KAZN: variants seen among roughly 807,000 people sequenced by gnomAD.
KAZN encodes the protein kazrin.
A neutral mutation model predicts 87.4 loss-of-function variants in KAZN; 40 were observed. The observed-to-expected ratio is 0.46, with a 90% CI of 0.36 to 0.60. The LOEUF is 0.60. Ranked by LOEUF, KAZN falls within the 20% of genes least tolerant of loss-of-function variation. The probability of loss-of-function intolerance (pLI) is 0.00; values close to 1 mark genes in which losing one functional copy is unlikely to be tolerated. For missense variants in KAZN, 898 were observed against 1,073.9 expected (o/e 0.84, Z 2.29); for synonymous variants, 466 against 458.3 (o/e 1.02, Z -0.22).
intron 1 of KAZN, among the ~76,000 whole-genome samples, chr1:14,170,753 A>G (rs1645938190): frequency 6.6e-6 from 1 of 151,492 alleles, no homozygotes; most frequent in Admixed American, 6.6e-5. Context: ...ACAGAGTCTC[A>G]CTCTGTCACC....
rs1645097474 is a variant in KAZN at position 14,773,963 on chromosome 1, C to T, written c.226+174740C>T. Among the ~76,000 whole-genome samples the T allele has an allele frequency of 6.6e-6, 1 of 152,248 alleles. No individual in the cohort carries two copies. On this transcript the variant is annotated intron_variant, in intron 1 of 14. Coordinates refer to ENST00000376030, the MANE Select transcript of KAZN (RefSeq NM_201628.3). This position sits in a 1 kb window ranked among gnomAD's most constrained non-coding sequence, Gnocchi z 5.9. ...TTCTCACCGCCAAAGCCCTCCAGCC[C>T]ATGGCTGCTGCCAACCAAGGCGCCC...
chr1:13,969,318 A>G (rs2092433), intron 1 of KAZN, among the ~76,000 whole-genome samples: 63,793 of 152,058 alleles, frequency 0.42, 13,696 homozygotes, highest in East Asian at 0.64. Flanking sequence ...AGATCATACT[A>G]GAATAGTGTG....
At chr1:14,676,710 ATT>A (rs1640241530) in intron 1 of KAZN, among the ~76,000 whole-genome samples, 1 of 152,190 alleles carries the variant, frequency 6.6e-6, no homozygotes. Flanking sequence ...AAGGCCATAT[ATT>A]GTATGATCCC....
chr1:14,540,027 T>C lies in KAZN; in HGVS notation c.250-58956T>C, dbSNP rs144210479. ...GCTTTCTAAGTAGAATTCTCTGTAT[T>C]ACTAGGGGAGAGAGGGATGTGAAAA... is the stretch of plus-strand genomic sequence containing the variant. On this transcript the variant is annotated intron_variant, in intron 2 of 16. Transcript: ENST00000636203. 7.2e-5 allele frequency among the ~76,000 whole-genome samples: 11 copies of C among 152,256 alleles called. No individual in the cohort carries two copies. In the East Asian group the frequency reaches 2.1e-3, roughly 29 times the overall value.
chr1:14,808,682 T>G (rs115160605), intron 1 of KAZN, among the ~76,000 whole-genome samples: 1 of 152,166 alleles, frequency 6.6e-6, no homozygotes, highest in Admixed American at 6.5e-5. Context: ...CCATCTGAGA[T>G]GTATTATTAC....
At chr1:13,994,930 A>G (rs1639440488) in intron 1 of KAZN, among the ~76,000 whole-genome samples, 1 of 152,190 alleles carries the variant, frequency 6.6e-6, no homozygotes, top group African/African-American at 2.4e-5. Context: ...GAGAGTAGAA[A>G]GCAAGGAGCA....
chr1:14,142,309 T>C (rs1279637257), intron 1 of KAZN, among the ~76,000 whole-genome samples: 6 of 152,150 alleles, frequency 3.9e-5, no homozygotes, highest in African/African-American at 1.4e-4. Flanking sequence ...TAGAAGCGTT[T>C]AAAATTCCAA....
upstream of KAZN, among the ~76,000 whole-genome samples, chr1:14,596,730 A>G (rs1676534001): frequency 6.6e-6 from 1 of 152,210 alleles, no homozygotes; most frequent in South Asian, 2.1e-4. Flanking sequence ...GGCTTCTTTC[A>G]ACTAACATAA....
intron 4 of KAZN, among the ~76,000 whole-genome samples, 180 bp from the exon 5 acceptor site, chr1:15,055,911 C>T (rs533299239): frequency 1.1e-4 from 17 of 152,340 alleles, no homozygotes; most frequent in Non-Finnish European, 1.8e-4. Context: ...AACAACAGTT[C>T]CTCCCTCACA....
At chr1:14,674,208 C>CT (rs888246340) in intron 1 of KAZN, among the ~76,000 whole-genome samples, 2 of 152,142 alleles carry the variant, frequency 1.3e-5, no homozygotes, top group Non-Finnish European at 2.9e-5. Flanking sequence ...CAGCAGATCT[C>CT]TTTTTTTGTA....
chr1:14,107,144 C>T (rs1271656122), intron 1 of KAZN, among the ~76,000 whole-genome samples: 1 of 147,702 alleles, frequency 6.8e-6, no homozygotes, highest in East Asian at 2.0e-4. Flanking sequence ...GCTGTGTTGT[C>T]TTGTCATCAT....
At chr1:14,366,662 A>G (rs1010804956) in intron 2 of KAZN, among the ~76,000 whole-genome samples, 1 of 152,242 alleles carries the variant, frequency 6.6e-6, no homozygotes, top group African/African-American at 2.4e-5. Flanking sequence ...CCGCACCAGC[A>G]TTTAGAGGGG....
chr1:14,202,028 C>T lies in KAZN; in HGVS notation c.249+21436C>T, dbSNP rs899226575. On this transcript the variant is annotated intron_variant, in intron 2 of 16. Coordinates refer to the KAZN transcript ENST00000636203. The stretch of plus-strand genomic sequence containing the variant: ...ACAAACATGGAGTGCTTCTTAAATG[C>T]CAGATTCTGTGTAATCACTTTAATT... 4.6e-5 allele frequency among the ~76,000 whole-genome samples: 7 copies of T among 152,142 alleles called. No homozygotes were observed. The South Asian group carries it at 6.2e-4, about 14-fold the overall frequency.
chr1:14,307,968 T>A (rs1481184176), intron 2 of KAZN, among the ~76,000 whole-genome samples: 1 of 152,224 alleles, frequency 6.6e-6, no homozygotes, highest in Non-Finnish European at 1.5e-5. Flanking sequence ...GCGCTGAGGA[T>A]ACAACATCAT....
chr1:13,910,924 G>A (rs114783532), intron 1 of KAZN, among the ~76,000 whole-genome samples: 8 of 151,950 alleles, frequency 5.3e-5, no homozygotes, highest in African/African-American at 1.4e-4. Context: ...GAAGCATGGC[G>A]TCTTCTGTTT....
intron 1 of KAZN, among the ~76,000 whole-genome samples, chr1:14,843,929 C>T (rs772000634): frequency 1.2e-4 from 18 of 152,208 alleles, no homozygotes; most frequent in Admixed American, 9.2e-4. Context: ...CTGAATCTTG[C>T]AACATTGCCA....
intron 2 of KAZN, among the ~76,000 whole-genome samples, chr1:14,419,438 A>C (rs1264498125): frequency 6.6e-6 from 1 of 152,096 alleles, no homozygotes. Context: ...GAGTGCCCAA[A>C]GCCTGTGCTC....
Position 14,116,904 on chromosome 1 carries a change from C to G in KAZN, c.92-63531C>G, listed in dbSNP as rs567709857. 1.8e-4 allele frequency among the ~76,000 whole-genome samples: 27 copies of G among 152,278 alleles called. No homozygotes were observed. The South Asian group carries it at 5.4e-3, about 30-fold the overall frequency. ...TCAAAGGAGATCATTTTGGAATTATCAGATTTGACTGCCCTGCTGGATTTT... is the reference window on the plus strand; with the variant it reads ...TCAAAGGAGATCATTTTGGAATTATGAGATTTGACTGCCCTGCTGGATTTT... On this transcript the variant is annotated intron_variant, in intron 1 of 16. Transcript: ENST00000636203.
At chr1:14,452,406 C>G (rs1301933562) in intron 2 of KAZN, among the ~76,000 whole-genome samples, 2 of 152,166 alleles carry the variant, frequency 1.3e-5, no homozygotes, top group African/African-American at 4.8e-5. Context: ...ACAGTGAGTT[C>G]CATTTTTAAA....
Sources: allele counts gnomAD v4.1 joint callset (sites outside exome capture counted in the v4.1 genomes callset), GRCh38; gene constraint gnomAD v4.1.1; non-coding constraint Gnocchi (gnomAD v3.1); transcripts MANE v1.5; gene names NCBI Gene and HGNC (gene_info 2026-07-23, HGNC 2026-07-21).